The following GRID2 variants were observed in gnomAD, a reference collection of about 807,000 sequenced individuals.
GRID2 encodes glutamate receptor ionotropic, delta-2.
Under a neutral mutation model 114.8 loss-of-function variants are expected in GRID2, and 33 were observed. That is an observed-to-expected ratio of 0.29 (90% confidence interval 0.22 to 0.38). The LOEUF is 0.38. GRID2 is among the 10% of genes least tolerant of loss of function. The pLI, the probability that GRID2 is intolerant of heterozygous loss-of-function variation, is 1.00. For synonymous variants in GRID2, 505 were observed against 449.9 expected (o/e 1.12, Z -1.55); for missense variants, 1,184 against 1,257.7 (o/e 0.94, Z 0.89).
At chr4:92,916,146 C>T (rs1285406798) in intron 2 of GRID2, among the ~76,000 whole-genome samples, 1 of 151,934 alleles carries the variant, frequency 6.6e-6, no homozygotes, top group Non-Finnish European at 1.5e-5. Flanking sequence ...TTTTCCTGTG[C>T]CTATGTCCTA....
At chr4:93,171,769 G>A (rs889258238) in intron 4 of GRID2, among the ~76,000 whole-genome samples, 2 of 152,292 alleles carry the variant, frequency 1.3e-5, no homozygotes, top group African/African-American at 4.8e-5. Flanking sequence ...ATAATGCTCA[G>A]TATCGCTCAA....
At chr4:93,722,116 C>A (rs1215846494) in intron 14 of GRID2, among the ~76,000 whole-genome samples, 1 of 151,704 alleles carries the variant, frequency 6.6e-6, no homozygotes, top group Admixed American at 6.6e-5. Flanking sequence ...GATGGGGTTT[C>A]ACCATGTTGG....
chr4:92,561,945 TA>T (rs2149182962), intron 1 of GRID2, among the ~76,000 whole-genome samples: 1 of 152,334 alleles, frequency 6.6e-6, no homozygotes, highest in South Asian at 2.1e-4. Flanking sequence ...TAATTCAAGA[TA>T]TTTATAAAAT....
intron 2 of GRID2, among the ~76,000 whole-genome samples, chr4:92,744,455 T>A (rs1015875303): frequency 1.4e-5 from 2 of 145,796 alleles, no homozygotes; most frequent in Non-Finnish European, 3.0e-5. Flanking sequence ...GCTACTGCAC[T>A]CCAGTCTGGG....
rs72872769 is a variant in GRID2 at position 93,259,092 on chromosome 4, A to T, written c.1245+20602A>T. On this transcript the variant is annotated intron_variant, in intron 8 of 15. Transcript: ENST00000282020. ...TTGCCTATTTTTCCCTTTTGCTTTA[A>T]GTTGATCTTGGTGACATTCTCAGAG... 9.4e-3 allele frequency: 3,146 copies of T among 335,824 alleles called. 93 individuals carry two copies. Among genetic ancestry groups the T allele is most frequent in the African/African-American group, 0.062 (2,902 of 46,564 alleles). 20.8% of individuals were successfully genotyped at this position (335,824 alleles called of 1,614,324 possible). A position where few individuals can be genotyped will look rare whatever the true frequency, so the allele number is the denominator to read the frequency against.
intron 1 of GRID2, among the ~76,000 whole-genome samples, chr4:93,788,045 G>A (rs982697444): frequency 3.9e-5 from 6 of 152,096 alleles, no homozygotes; most frequent in African/African-American, 1.4e-4. Flanking sequence ...GGCTGGGCGC[G>A]GTGGCTCACG....
chr4:93,053,530 G>A (rs1726923809), intron 2 of GRID2, among the ~76,000 whole-genome samples: 1 of 151,842 alleles, frequency 6.6e-6, no homozygotes. Flanking sequence ...AAGTCTCATT[G>A]AATACTGAAG....
chr4:93,145,644 CTTTTTTTTTTTTTTTTTTTTT>C (rs10605313), intron 4 of GRID2, among the ~76,000 whole-genome samples: 1 of 45,702 alleles, frequency 2.2e-5, no homozygotes, highest in African/African-American at 1.2e-4. Flanking sequence ...TTCTTTTTTC[CTTTTTTTTTTTTTTTTTTTTT>C]TTTTTTTTTT....
chr4:93,238,909 C>T (rs928793508), intron 8 of GRID2, among the ~76,000 whole-genome samples: 2 of 151,222 alleles, frequency 1.3e-5, no homozygotes, highest in African/African-American at 4.8e-5. Flanking sequence ...TGTGACATTA[C>T]AGTATTTTAC....
intron 8 of GRID2, among the ~76,000 whole-genome samples, chr4:93,283,173 C>T (rs896609924): frequency 3.9e-5 from 6 of 151,992 alleles, no homozygotes; most frequent in Admixed American, 2.6e-4. Flanking sequence ...TACCTAATTT[C>T]GCAAAGCATT....
At chr4:93,037,853 G>A (rs1725069638) in intron 2 of GRID2, among the ~76,000 whole-genome samples, 1 of 152,172 alleles carries the variant, frequency 6.6e-6, no homozygotes, top group African/African-American at 2.4e-5. Context: ...TTGTAGTATA[G>A]TTTGAAGTTA....
chr4:92,657,897 C>G (rs1205116033), intron 2 of GRID2, among the ~76,000 whole-genome samples: 1 of 151,520 alleles, frequency 6.6e-6, no homozygotes, highest in Non-Finnish European at 1.5e-5. Context: ...ATTGAAATAA[C>G]ATGTAGATGT....
intron 13 of GRID2, among the ~76,000 whole-genome samples, chr4:93,607,595 TA>T (rs1482857014): frequency 6.6e-6 from 1 of 152,200 alleles, no homozygotes; most frequent in Non-Finnish European, 1.5e-5. Context: ...ATGTATTTTT[TA>T]ATTTGAATAG....
At chr4:93,387,777 C>T (rs1327154910) in intron 8 of GRID2, among the ~76,000 whole-genome samples, 1 of 150,460 alleles carries the variant, frequency 6.6e-6, no homozygotes, top group Non-Finnish European at 1.5e-5. Context: ...CCGAAGTGAG[C>T]CGAGATAATG....
intron 1 of GRID2, among the ~76,000 whole-genome samples, chr4:92,531,119 T>C (rs1725334916): frequency 6.6e-6 from 1 of 152,062 alleles, no homozygotes; most frequent in South Asian, 2.1e-4. Context: ...AAAAAAACTT[T>C]GTGGGGGGAT....
chr4:92,682,317 G>A (rs1160403273), intron 2 of GRID2, among the ~76,000 whole-genome samples: 1 of 152,066 alleles, frequency 6.6e-6, no homozygotes, highest in Non-Finnish European at 1.5e-5. Context: ...CCTCTTATGA[G>A]TCCCAAAGTG....
chr4:92,366,114 T>G (rs546121334), intron 1 of GRID2, among the ~76,000 whole-genome samples: 25 of 152,180 alleles, frequency 1.6e-4, no homozygotes, highest in Middle Eastern at 3.4e-3. Context: ...ATTTTAAAAC[T>G]TGCTTATCAT....
intron 14 of GRID2, among the ~76,000 whole-genome samples, chr4:93,724,610 C>T (rs558566638): frequency 2.0e-5 from 3 of 151,858 alleles, no homozygotes; most frequent in Admixed American, 6.6e-5. Context: ...CTTGTAATTA[C>T]GAAAAGAGAC....
chr4:92,709,589 A>AAAAATATATATATATATAT, intron 2 of GRID2, among the ~76,000 whole-genome samples: 1 of 114,638 alleles, frequency 8.7e-6, no homozygotes, highest in African/African-American at 3.4e-5. Context: ...AAAAAAAAAA[A>AAAAATATATATATATATAT]ATATATATAT....
Sources: allele counts gnomAD v4.1 joint callset (sites outside exome capture counted in the v4.1 genomes callset), GRCh38; gene constraint gnomAD v4.1.1; transcripts MANE v1.5; gene names NCBI Gene and HGNC (gene_info 2026-07-23, HGNC 2026-07-21).